Variants in MPP3 observed in about 807,000 individuals in gnomAD.
The protein encoded by MPP3 is MAGUK p55 scaffold protein 3.
Under a neutral mutation model 80.7 loss-of-function variants are expected in MPP3, and 48 were observed. The ratio of observed to expected loss-of-function variants is 0.59; its 90% CI spans 0.47 to 0.76. The LOEUF (loss-of-function observed/expected upper bound fraction) is 0.76. MPP3 is among the 30% of genes least tolerant of loss of function. The pLI, the probability that MPP3 is intolerant of heterozygous loss-of-function variation, is 0.00. For synonymous variants in MPP3, 311 were observed against 297.6 expected, an observed-to-expected ratio of 1.04 and a Z score of -0.46; for missense variants, 620 against 763.0, an observed-to-expected ratio of 0.81 and a Z score of 2.21.
intron 9 of MPP3, chr17:43,825,518 G>C (rs1466094713): frequency 2.3e-6 from 1 of 443,994 alleles, no homozygotes; most frequent in African/African-American, 2.0e-5. Context: ...CCAGGGGAAG[G>C]AAGGAAGGCT....
chr17:43,805,236 T>C (rs1044406402), intron 19 of MPP3, among the ~76,000 whole-genome samples: 1 of 152,214 alleles, frequency 6.6e-6, no homozygotes, highest in Non-Finnish European at 1.5e-5. Context: ...ACTTCACTGA[T>C]GATTAGAGAA....
At chr17:43,823,838 A>C (rs2045572503) in intron 10 of MPP3, 93 bp downstream of exon 10, 1 of 848,600 alleles carries the variant, frequency 1.2e-6, no homozygotes, top group Non-Finnish European at 1.9e-6. Flanking sequence ...TTCGCAAATG[A>C]CTGTTACAAG....
At chr17:43,815,434 A>C (rs549480608) in intron 14 of MPP3, among the ~76,000 whole-genome samples, 1 of 152,274 alleles carries the variant, frequency 6.6e-6, no homozygotes, top group Non-Finnish European at 1.5e-5. Flanking sequence ...CCCCATCTCT[A>C]CAAAAAAAAT....
At chr17:43,819,146 C>T (rs1291379339) in intron 11 of MPP3, 3 of 152,146 alleles carry the variant, frequency 2.0e-5, no homozygotes. Flanking sequence ...CTAACAAGTC[C>T]CCAGGTGACG....
intron 19 of MPP3, 147 bp downstream of exon 19, chr17:43,808,809 T>C: frequency 1.0e-6 from 1 of 961,774 alleles, no homozygotes. Context: ...TCTTAAGTTT[T>C]TCAATAGGCA....
intron 10 of MPP3, among the ~76,000 whole-genome samples, chr17:43,822,181 T>C (rs1257078261): frequency 4.6e-5 from 7 of 152,190 alleles, no homozygotes; most frequent in Admixed American, 4.6e-4. Context: ...GAGGAAATAT[T>C]ATGCCCTGGG....
intron 8 of MPP3, among the ~76,000 whole-genome samples, chr17:43,827,067 G>A (rs746122014): frequency 6.6e-6 from 1 of 151,944 alleles, no homozygotes; most frequent in Non-Finnish European, 1.5e-5. Flanking sequence ...CCAGGCGGGA[G>A]CGCAATGGCG....
At chr17:43,831,768 A>C in intron 3 of MPP3, 91 bp from the exon 4 acceptor site, 1 of 1,423,916 alleles carries the variant, frequency 7.0e-7, no homozygotes, top group Admixed American at 2.0e-5. Flanking sequence ...ACAGCACTTC[A>C]GTCCTGCCGT....
At chr17:43,830,209 A>C in intron 5 of MPP3, 102 bp from the exon 6 acceptor site, 2 of 783,632 alleles carry the variant, frequency 2.6e-6, no homozygotes, top group Non-Finnish European at 3.8e-6. Flanking sequence ...TGCAGCCCCC[A>C]GGGGCACACC....
rs374297619 is a variant in MPP3, at chr17:43,829,743, C to T, written c.352G>A (p.Val118Ile). Residue 118 changes from valine to isoleucine, a missense_variant, in exon 7 of 20, where the codon GTT (valine) becomes ATT (isoleucine). Transcript: ENST00000398389. Reference protein sequence around the residue: ...DTVAQKNFDPVLPPLPDNIDE... With the variant: ...DTVAQKNFDPILPPLPDNIDE... ...ATATTGTCAGGCAGAGGCGGGAGAA[C>T]GGGGTCAAAATTCTTCTGGGCAACC... 35 of 1,613,972 alleles carry T rather than the reference C, an allele frequency of 2.2e-5. No individual in the cohort carries two copies. Among genetic ancestry groups the T allele is most frequent in the Admixed American group, 1.5e-4 (9 of 60,014 alleles).
intron 16 of MPP3, among the ~76,000 whole-genome samples, chr17:43,812,475 C>T (rs1243663508): frequency 6.6e-6 from 1 of 152,184 alleles, no homozygotes; most frequent in African/African-American, 2.4e-5. Context: ...CCTCTCAGCT[C>T]CATTTTCCAG....
chr17:43,806,605 T>C (rs2044627166), intron 19 of MPP3, among the ~76,000 whole-genome samples: 2 of 152,176 alleles, frequency 1.3e-5, no homozygotes, highest in African/African-American at 2.4e-5. Context: ...GGGCATACTG[T>C]ATGTTTCTTT....
At chr17:43,824,725 A>G (rs1361092057) in intron 9 of MPP3, among the ~76,000 whole-genome samples, 3 of 152,202 alleles carry the variant, frequency 2.0e-5, no homozygotes, top group African/African-American at 7.2e-5. Flanking sequence ...AAAGGACTGA[A>G]GGGCCTGCCT....
Position 43,801,633 on chromosome 17 carries a change from G to T in MPP3, c.*68C>A. 1 of 1,463,554 alleles carries T rather than the reference G, an allele frequency of 6.8e-7. No homozygotes were observed. Among genetic ancestry groups the T allele is most frequent in the Non-Finnish European group, 9.5e-7 (1 of 1,054,808 alleles). The allele number at this position is 1,463,554 out of a possible 1,614,324, so 90.7% of individuals were successfully genotyped here. A position where few individuals can be genotyped will look rare whatever the true frequency, so the allele number is the denominator to read the frequency against. The stretch of plus-strand genomic sequence containing the variant: ...TCTCTGCGCTTGAGATTCCTTGATG[G>T]TAAAATGAGGGAGTCTGGACTAGAT... On this transcript the variant is annotated 3_prime_UTR_variant, in exon 20 of 20. Transcript: ENST00000398389.
At chr17:43,829,975 C>A (rs751026320) in intron 6 of MPP3, 52 bp downstream of exon 6, 4 of 1,587,298 alleles carry the variant, frequency 2.5e-6, no homozygotes, top group Non-Finnish European at 3.4e-6. Context: ...TCCCTCCGCC[C>A]CCATCCCAGG....
chr17:43,819,027 T>C (rs898346136), intron 11 of MPP3: 1 of 152,186 alleles, frequency 6.6e-6, no homozygotes, highest in Non-Finnish European at 1.5e-5. Context: ...GAGATGGGTC[T>C]GGGGTTCCCG....
At chr17:43,805,923 G>A (rs112689474) in intron 19 of MPP3, among the ~76,000 whole-genome samples, 3,798 of 152,248 alleles carry the variant, frequency 0.025, 120 homozygotes, top group African/African-American at 0.077. Context: ...TTAAATGTGT[G>A]AATTGTACAG....
chr17:43,821,046 C>A lies in MPP3; in HGVS notation c.697G>T (p.Ala233Ser). The A allele has an allele frequency of 6.2e-7, 1 of 1,613,726 alleles. No homozygotes were observed. Among genetic ancestry groups the A allele is most frequent in the Non-Finnish European group, 8.5e-7 (1 of 1,179,862 alleles). The part of the protein sequence containing the change: ...RLKESKVFMR[A>S]LFHYNPREDR... The stretch of plus-strand genomic sequence containing the variant: ...TCCCGAGGGTTGTAGTGGAAGAGGG[C>A]GCGCATGAACACCTGCACAAGGAGG... The change falls in exon 11 of 20, where the codon GCC (alanine) becomes TCC (serine). Residue 233 changes from alanine to serine, a missense_variant. Coordinates refer to ENST00000398389, the MANE Select transcript of MPP3 (RefSeq NM_001932.6).
chr17:43,830,546 G>A (rs1007450426), intron 5 of MPP3, among the ~76,000 whole-genome samples: 3 of 152,182 alleles, frequency 2.0e-5, no homozygotes, highest in South Asian at 2.1e-4. Flanking sequence ...GGAGCTCAGA[G>A]AGGTTGAGTG....
Sources: allele counts gnomAD v4.1 joint callset (sites outside exome capture counted in the v4.1 genomes callset), GRCh38; gene constraint gnomAD v4.1.1; transcripts MANE v1.5; gene names NCBI Gene and HGNC (gene_info 2026-07-23, HGNC 2026-07-21).